The following PHAF1 variants were observed in gnomAD, a reference collection of about 807,000 sequenced individuals.
The protein encoded by PHAF1 is phagosome assembly factor 1.
A neutral mutation model predicts 63.1 loss-of-function variants in PHAF1; 23 were observed. That is an observed-to-expected ratio of 0.36 (90% CI 0.26 to 0.52). The LOEUF (loss-of-function observed/expected upper bound fraction) is 0.52. Ranked by LOEUF, PHAF1 falls within the 20% of genes least tolerant of loss-of-function variation. The pLI is 0.93. For missense variants in PHAF1, 427 were observed against 517.2 expected, an observed-to-expected ratio of 0.83 and a Z score of 1.69; for synonymous variants, 167 against 185.0, an observed-to-expected ratio of 0.90 and a Z score of 0.79.
At chr16:67,145,705 G>C in intron 14 of PHAF1, 77 bp downstream of exon 14, 1 of 1,470,190 alleles carries the variant, frequency 6.8e-7, no homozygotes, top group South Asian at 1.2e-5. Flanking sequence ...GCCTGGCACA[G>C]TGGATGTTGC....
chr16:67,127,256 G>A (rs920771852), intron 3 of PHAF1, among the ~76,000 whole-genome samples: 41 of 152,212 alleles, frequency 2.7e-4, no homozygotes, highest in Non-Finnish European at 5.6e-4. Context: ...AAGTCATGAG[G>A]TTGGATGGGC....
chr16:67,139,794 G>A, intron 8 of PHAF1, 190 bp from the exon 9 acceptor site: 1 of 609,080 alleles, frequency 1.6e-6, no homozygotes, highest in South Asian at 2.1e-5. Flanking sequence ...ATAAGTCCCT[G>A]GCATTATTTT....
chr16:67,140,734 GT>G (rs139477881), intron 10 of PHAF1, 140 bp downstream of exon 10: 7,576 of 688,576 alleles, frequency 0.011, 80 homozygotes, highest in Non-Finnish European at 0.013. Context: ...GCCCAGGGTT[GT>G]TTTGCATAGG....
intron 1 of PHAF1, among the ~76,000 whole-genome samples, chr16:67,118,879 A>G (rs1321070088): frequency 6.7e-6 from 1 of 150,258 alleles, no homozygotes; most frequent in Non-Finnish European, 1.5e-5. Flanking sequence ...GGCCGAAGCA[A>G]TCCTCTCACC....
chr16:67,141,597 C>T (rs778140955), intron 10 of PHAF1, among the ~76,000 whole-genome samples: 3 of 152,190 alleles, frequency 2.0e-5, no homozygotes, highest in African/African-American at 7.2e-5. Flanking sequence ...GGTGTGTGAG[C>T]GAGTGAATGT....
At chr16:67,123,650 C>T (rs903801507) in intron 2 of PHAF1, among the ~76,000 whole-genome samples, 17 of 152,100 alleles carry the variant, frequency 1.1e-4, no homozygotes, top group South Asian at 2.1e-4. Flanking sequence ...TTAAGCATTC[C>T]GCCTGCCACG....
intron 1 of PHAF1, among the ~76,000 whole-genome samples, chr16:67,119,686 A>AT (rs776583499): frequency 0.1 from 13,638 of 132,336 alleles, 1,375 homozygotes; most frequent in African/African-American, 0.26. Flanking sequence ...CGCCTGGCTA[A>AT]TTTTTTTTTT....
intron 10 of PHAF1, among the ~76,000 whole-genome samples, chr16:67,141,574 T>A (rs1230442599): frequency 6.6e-6 from 1 of 152,122 alleles, no homozygotes; most frequent in African/African-American, 2.4e-5. Context: ...AAGCCAGGCA[T>A]GGAGTGGCAA....
intron 2 of PHAF1, 29 bp downstream of exon 2, chr16:67,120,223 A>G: frequency 1.3e-6 from 2 of 1,592,508 alleles, no homozygotes; most frequent in Non-Finnish European, 1.7e-6. Context: ...GTTTATTGAA[A>G]TAGCATCCCT....
intron 1 of PHAF1, among the ~76,000 whole-genome samples, chr16:67,111,742 T>C (rs942213747): frequency 2.0e-5 from 3 of 152,142 alleles, no homozygotes; most frequent in African/African-American, 7.2e-5. Context: ...TGCCTCAGCC[T>C]CCCTACTAGT....
At chr16:67,141,337 G>C (rs569522826) in intron 10 of PHAF1, among the ~76,000 whole-genome samples, 1 of 152,334 alleles carries the variant, frequency 6.6e-6, no homozygotes, top group African/African-American at 2.4e-5. Context: ...GAGTAGGATG[G>C]CGGCAGGAGG....
chr16:67,119,181 C>G (rs568828773), intron 1 of PHAF1, among the ~76,000 whole-genome samples: 1 of 152,288 alleles, frequency 6.6e-6, no homozygotes, highest in South Asian at 2.1e-4. Context: ...AAGGACCTAT[C>G]TCAGGTCATA....
Position 67,147,215 on chromosome 16 carries a change from T to A in PHAF1, c.*84T>A. On this transcript the variant is annotated 3_prime_UTR_variant, in exon 16 of 16. Transcript: ENST00000219139. ...GGGCCTCTGTACCACCCTGTGGGTT[T>A]TCTTGGACACCTGGCCAGTGCTGAA... 1 of 1,342,356 alleles carries A rather than the reference T, an allele frequency of 7.4e-7. No individual in the cohort carries two copies. Among genetic ancestry groups the A allele is most frequent in the South Asian group, 1.2e-5 (1 of 81,248 alleles). 83.2% of individuals were successfully genotyped at this position (1,342,356 alleles called of 1,614,324 possible). A position where few individuals can be genotyped will look rare whatever the true frequency, so the allele number is the denominator to read the frequency against.
chr16:67,135,779 C>G (rs1213922294), intron 8 of PHAF1: 1 of 152,086 alleles, frequency 6.6e-6, no homozygotes, highest in African/African-American at 2.4e-5. Context: ...GCTTTTCTCC[C>G]TATATTATCC....
chr16:67,127,546 C>T (rs540397711), intron 3 of PHAF1, among the ~76,000 whole-genome samples: 1 of 152,298 alleles, frequency 6.6e-6, no homozygotes, highest in East Asian at 1.9e-4. Context: ...CCTGTAATCC[C>T]AGCACTTTGG....
intron 1 of PHAF1, among the ~76,000 whole-genome samples, chr16:67,114,247 T>C (rs1040098094): frequency 1.3e-5 from 2 of 151,722 alleles, no homozygotes; most frequent in African/African-American, 4.8e-5. Flanking sequence ...TGCTTGTACT[T>C]TGGGAGGCTG....
chr16:67,118,123 A>ATTT (rs772394136), intron 1 of PHAF1, among the ~76,000 whole-genome samples: 10 of 120,950 alleles, frequency 8.3e-5, no homozygotes, highest in East Asian at 2.4e-4. Context: ...CGCCCGGCTA[A>ATTT]TTTTTTTTTT....
chr16:67,142,398 G>A (rs1369894300), intron 10 of PHAF1, among the ~76,000 whole-genome samples: 1 of 152,226 alleles, frequency 6.6e-6, no homozygotes, highest in Non-Finnish European at 1.5e-5. Context: ...CAGGCCTCAG[G>A]CCATCCCAGG....
At chr16:67,137,323 G>A (rs1050273970) in intron 8 of PHAF1, among the ~76,000 whole-genome samples, 2 of 152,044 alleles carry the variant, frequency 1.3e-5, no homozygotes, top group East Asian at 1.9e-4. Flanking sequence ...GGGGTTTTTT[G>A]TTGTTGTTGT....
Sources: gnomAD v4.1 joint callset for allele counts (sites outside exome capture counted in the v4.1 genomes callset) on GRCh38, gnomAD v4.1.1 for gene constraint, MANE v1.5 for transcripts, NCBI Gene and HGNC (gene_info 2026-07-23, HGNC 2026-07-21) for gene names.